SLC25A12: variants seen among roughly 807,000 people sequenced by gnomAD.
The protein encoded by SLC25A12 is electrogenic aspartate/glutamate antiporter SLC25A12, mitochondrial.
A neutral mutation model predicts 83.3 loss-of-function variants in SLC25A12; 32 were observed. That is an observed-to-expected ratio of 0.38 (90% CI 0.29 to 0.52). The LOEUF is 0.52. Ranked by LOEUF, SLC25A12 falls within the 20% of genes least tolerant of loss-of-function variation. The pLI, the probability that SLC25A12 is intolerant of heterozygous loss-of-function variation, is 0.84. For synonymous variants in SLC25A12, 267 were observed against 291.1 expected (o/e 0.92, Z 0.84); for missense variants, 611 against 835.6 (o/e 0.73, Z 3.31).
At chr2:171,850,490 C>T (rs1192455280) in intron 4 of SLC25A12, among the ~76,000 whole-genome samples, 1 of 151,854 alleles carries the variant, frequency 6.6e-6, no homozygotes, top group African/African-American at 2.4e-5. Context: ...GGATTACAGG[C>T]ATGCACCACC....
intron 9 of SLC25A12, among the ~76,000 whole-genome samples, chr2:171,818,464 T>C (rs1028888855): frequency 2.0e-5 from 3 of 151,762 alleles, no homozygotes; most frequent in Non-Finnish European, 2.9e-5. Context: ...TTGTTATACG[T>C]ATCTCATTTT....
At chr2:171,852,409 T>C (rs3770445) in intron 4 of SLC25A12, among the ~76,000 whole-genome samples, 44,260 of 152,184 alleles carry the variant, frequency 0.29, 6,743 homozygotes, top group African/African-American at 0.37. Flanking sequence ...ATTATCATCA[T>C]AGTCTACAAG....
At chr2:171,786,823 A>G (rs896524448) in intron 17 of SLC25A12, among the ~76,000 whole-genome samples, 2 of 152,252 alleles carry the variant, frequency 1.3e-5, no homozygotes, top group African/African-American at 4.8e-5. Context: ...AATTAGCTTC[A>G]AGAACATCTG....
chr2:171,853,877 C>A (rs1233571789), intron 4 of SLC25A12, among the ~76,000 whole-genome samples: 3 of 151,984 alleles, frequency 2.0e-5, no homozygotes, highest in Non-Finnish European at 4.4e-5. Context: ...ATAATCGAAA[C>A]TGGGAAAAGT....
rs1363559507 is a variant in SLC25A12, at chr2:171,809,670, C to T, written c.1241G>A (p.Arg414Gln). ...GCCATCTCTTCTGGTAAATTTGTCC[C>T]GAACAAAATCATTAACCTAATTAGA... ...AIKLTVNDFV[R>Q]DKFTRRDGSV... is the part of the protein sequence containing the mutation. The change falls in exon 13 of 18, where the codon CGG (arginine) becomes CAG (glutamine). Residue 414 changes from arginine to glutamine, a missense_variant. Physicochemically the swap from Arg to Gln is conservative, Grantham distance 43. Around this residue, in one of 3 missense-constraint regions of SLC25A12, gnomAD observed 540 missense variants for 777.5 expected, o/e 0.69. Coordinates refer to ENST00000422440, the MANE Select transcript of SLC25A12 (RefSeq NM_003705.5). The T allele has an allele frequency of 6.8e-6, 11 of 1,613,600 alleles. No individual in the cohort carries two copies. The highest frequency in any genetic ancestry group is 1.3e-5 in the African/African-American group (1 of 74,888).
At chr2:171,806,711 C>T (rs1184467809) in intron 13 of SLC25A12, among the ~76,000 whole-genome samples, 1 of 152,184 alleles carries the variant, frequency 6.6e-6, no homozygotes, top group Non-Finnish European at 1.5e-5. Context: ...TCAATTTGAG[C>T]CATTTCTTCC....
intron 2 of SLC25A12, among the ~76,000 whole-genome samples, chr2:171,882,100 C>T (rs1383128695): frequency 1.3e-5 from 2 of 152,192 alleles, no homozygotes; most frequent in Non-Finnish European, 2.9e-5. Context: ...CTCTTGCCAT[C>T]TCTGTCTCCC....
chr2:171,850,038 A>C (rs1684888967), intron 4 of SLC25A12, among the ~76,000 whole-genome samples: 2 of 146,560 alleles, frequency 1.4e-5, no homozygotes, highest in Non-Finnish European at 3.0e-5. Context: ...TCTTGGCCTC[A>C]AGTGATCCTC....
At chr2:171,866,933 G>A (rs577752074) in intron 3 of SLC25A12, among the ~76,000 whole-genome samples, 16 of 149,330 alleles carry the variant, frequency 1.1e-4, no homozygotes, top group African/African-American at 3.2e-4. Context: ...GTTGCCAGGC[G>A]GAGGGTCTCC....
At chr2:171,891,273 T>C (rs934510115) in intron 2 of SLC25A12, among the ~76,000 whole-genome samples, 3 of 151,056 alleles carry the variant, frequency 2.0e-5, no homozygotes, top group Non-Finnish European at 4.4e-5. Context: ...CATTCCAGCC[T>C]GGGCGACAGA....
At chr2:171,840,985 C>T (rs1288137047) in intron 5 of SLC25A12, among the ~76,000 whole-genome samples, 1 of 152,290 alleles carries the variant, frequency 6.6e-6, no homozygotes, top group African/African-American at 2.4e-5. Context: ...AAGAGCAATG[C>T]TTTCAAAATT....
chr2:171,861,209 T>C (rs1685153092), intron 3 of SLC25A12, among the ~76,000 whole-genome samples: 1 of 151,984 alleles, frequency 6.6e-6, no homozygotes, highest in African/African-American at 2.4e-5. Context: ...TCAACTTTCT[T>C]GAATGTTTGA....
intron 4 of SLC25A12, among the ~76,000 whole-genome samples, chr2:171,846,478 C>G (rs143744469): frequency 6.6e-6 from 1 of 152,058 alleles, no homozygotes; most frequent in African/African-American, 2.4e-5. Flanking sequence ...GTCCAAAATG[C>G]AAAAGCGTTC....
chr2:171,834,524 C>T (rs1684514515), intron 7 of SLC25A12, among the ~76,000 whole-genome samples: 1 of 152,184 alleles, frequency 6.6e-6, no homozygotes, highest in Non-Finnish European at 1.5e-5. Context: ...CTTTTCAAAA[C>T]TGTCAAAGCC....
rs202132464 is a variant in SLC25A12 at position 171,834,031 on chromosome 2, G to A, written c.777C>T (p.Arg259=). 2 of 1,609,162 alleles carry A rather than the reference G, an allele frequency of 1.2e-6. No individual in the cohort carries two copies. Among genetic ancestry groups the A allele is most frequent in the East Asian group, 4.5e-5 (2 of 44,794 alleles). Residue 259 remains arginine, a synonymous_variant, in exon 8 of 18, where the codon CGC becomes CGT. Coordinates refer to ENST00000422440, the MANE Select transcript of SLC25A12 (RefSeq NM_003705.5). The part of the protein sequence containing the change: ...TKEEFAQSAI[R]YGQVTPLEID... ...TTTCTAGTGGTGTGACTTGTCCATA[G>A]CGTATGGCACTCTGGGCAAATTCCT...
At chr2:171,884,045 C>CTT (rs752910386) in intron 2 of SLC25A12, among the ~76,000 whole-genome samples, 6 of 136,440 alleles carry the variant, frequency 4.4e-5, no homozygotes, top group South Asian at 2.4e-4. Flanking sequence ...TCTTTTTTAT[C>CTT]TTTTTTTTTT....
intron 15 of SLC25A12, among the ~76,000 whole-genome samples, chr2:171,790,304 A>G (rs1683422599): frequency 6.6e-6 from 1 of 152,162 alleles, no homozygotes; most frequent in Non-Finnish European, 1.5e-5. Context: ...GAGCTCTGTA[A>G]TGGTTCATTA....
intron 3 of SLC25A12, among the ~76,000 whole-genome samples, chr2:171,863,585 G>T (rs1180466065): frequency 6.6e-6 from 1 of 151,598 alleles, no homozygotes; most frequent in Non-Finnish European, 1.5e-5. Context: ...ACTCAGCCTA[G>T]GAGAACCACA....
At chr2:171,790,882 C>CA (rs1558906683) in intron 15 of SLC25A12, among the ~76,000 whole-genome samples, 1 of 151,846 alleles carries the variant, frequency 6.6e-6, no homozygotes. Context: ...TGGCTAATGA[C>CA]AAAGTGTTAA....
Sources: gnomAD v4.1 joint callset for allele counts (sites outside exome capture counted in the v4.1 genomes callset) on GRCh38, gnomAD v4.1.1 for gene constraint, gnomAD v4.1.1 regional missense constraint, MANE v1.5 for transcripts, NCBI Gene and HGNC (gene_info 2026-07-23, HGNC 2026-07-21) for gene names.